Variants in LRRC66 observed in about 807,000 individuals in gnomAD.
LRRC66 encodes leucine rich repeat containing 66, also known as leucine-rich repeat-containing protein 66.
LRRC66 carries 29 observed loss-of-function variants against 24.6 expected under a neutral mutation model. The ratio of observed to expected loss-of-function variants is 1.18; its 90% CI spans 0.88 to 1.61. The LOEUF is 1.61. Among genes scored for constraint, LRRC66 ranks in the 40% most tolerant of loss-of-function variants. LRRC66 has a pLI of 0.00. For synonymous variants in LRRC66, 411 were observed against 397.6 expected, an observed-to-expected ratio of 1.03 and a Z score of -0.40; for missense variants, 1,124 against 1,058.0, an observed-to-expected ratio of 1.06 and a Z score of -0.87.
intron 2 of LRRC66, among the ~76,000 whole-genome samples, 191 bp downstream of exon 2, chr4:52,016,927 T>A (rs756370356): frequency 5.9e-5 from 9 of 152,214 alleles, no homozygotes; most frequent in Non-Finnish European, 1.3e-4. Flanking sequence ...AATGGGAGAC[T>A]AAATTTCATT....
chr4:52,014,131 A>G (rs1321834617), intron 2 of LRRC66, among the ~76,000 whole-genome samples: 1 of 152,206 alleles, frequency 6.6e-6, no homozygotes, highest in Non-Finnish European at 1.5e-5. Flanking sequence ...ACATGCCTGT[A>G]AACCCAGCTA....
intron 2 of LRRC66, among the ~76,000 whole-genome samples, chr4:52,016,016 A>G (rs1452518657): frequency 3.9e-5 from 6 of 152,174 alleles, no homozygotes. Flanking sequence ...TTCTATAAGT[A>G]ACAGGTATTC....
At chr4:52,016,795 T>C (rs769351850) in intron 2 of LRRC66, among the ~76,000 whole-genome samples, 31 of 152,300 alleles carry the variant, frequency 2.0e-4, no homozygotes, top group Admixed American at 8.5e-4. Context: ...GCTCAGTGCT[T>C]TTCTATATTA....
At chr4:52,001,880 T>C (rs546326086) in intron 3 of LRRC66, among the ~76,000 whole-genome samples, 1 of 152,358 alleles carries the variant, frequency 6.6e-6, no homozygotes, top group South Asian at 2.1e-4. Flanking sequence ...GTTTTCTTTG[T>C]TGACATTGCT....
At chr4:52,000,877 G>A (rs1216606121) in intron 3 of LRRC66, among the ~76,000 whole-genome samples, 2 of 152,210 alleles carry the variant, frequency 1.3e-5, no homozygotes, top group South Asian at 2.1e-4. Flanking sequence ...GCCATGCCTG[G>A]ATTTCCGTCT....
At chr4:52,002,063 C>A (rs1012651122) in intron 3 of LRRC66, among the ~76,000 whole-genome samples, 1 of 152,084 alleles carries the variant, frequency 6.6e-6, no homozygotes, top group Non-Finnish European at 1.5e-5. Context: ...AGCTATAGAG[C>A]AATTAAAACA....
rs374157360 is a variant in LRRC66 at position 51,995,567 on chromosome 4, C to G, written c.1455G>C (p.Ser485=). Residue 485 remains serine (S), a synonymous_variant, in exon 5 of 5, where the codon TCG becomes TCC. Transcript: ENST00000682860. ...LGRSRKDPGS[S]QSPGQCGDNT... ...TGTCCCCGCACTGTCCTGGGCTCTG[C>G]GAACTGCCAGGATCCTTTCTGCTCC... The G allele has an allele frequency of 4.3e-6, 7 of 1,614,016 alleles. No homozygotes were observed. The African/African-American group carries it at 8.0e-5, about 18-fold the overall frequency.
intron 3 of LRRC66, among the ~76,000 whole-genome samples, chr4:52,002,858 C>T (rs1736487778): frequency 6.6e-6 from 1 of 152,192 alleles, no homozygotes; most frequent in Non-Finnish European, 1.5e-5. Flanking sequence ...TTGCATAAGA[C>T]CCCTGGGACC....
At chr4:52,000,066 T>C (rs1408305558) in intron 3 of LRRC66, among the ~76,000 whole-genome samples, 1 of 152,214 alleles carries the variant, frequency 6.6e-6, no homozygotes, top group Non-Finnish European at 1.5e-5. Context: ...ATTGTGATAT[T>C]CAGCTTTTTT....
In LRRC66 at chr4:52,003,229, T is replaced by G; in HGVS notation, c.660A>C (p.Lys220Asn). 6.2e-7 allele frequency: 1 copy of G among 1,605,702 alleles called. No homozygotes were observed. Among genetic ancestry groups the G allele is most frequent in the African/African-American group, 1.3e-5 (1 of 74,454 alleles). Residue 220 changes from lysine to asparagine, a missense_variant, in exon 3 of 5, where the codon AAA (lysine) becomes AAC (asparagine). Lys to Asn is a moderately conservative substitution (Grantham distance 94, BLOSUM62 0). Coordinates refer to ENST00000682860, the MANE Select transcript of LRRC66 (RefSeq NM_001024611.3). The part of the protein sequence containing the change: ...IPPQAFKDLK[K>N]LQVIDLSNNA... The stretch of plus-strand genomic sequence containing the variant: ...ATAAAAATGATTTTAGAACCTGTAA[T>G]TTTTTGAGGTCCTTGAAGGCTTGTG...
intron 1 of LRRC66, among the ~76,000 whole-genome samples, chr4:52,018,995 G>A (rs1736883201): frequency 6.6e-6 from 1 of 152,156 alleles, no homozygotes; most frequent in African/African-American, 2.4e-5. Flanking sequence ...TCCTGCCTCA[G>A]CCTCCCGAGT....
intron 4 of LRRC66, 146 bp from the exon 5 acceptor site, chr4:51,996,311 A>T: frequency 1.4e-6 from 1 of 728,618 alleles, no homozygotes; most frequent in Non-Finnish European, 2.2e-6. Flanking sequence ...CAGTGGCACA[A>T]TCATAACTCA....
At chr4:52,018,535 C>T (rs764310599) in intron 1 of LRRC66, 1 of 985,308 alleles carries the variant, frequency 1.0e-6, no homozygotes, top group Non-Finnish European at 1.2e-6. Context: ...TCACTGCAGT[C>T]TGAAATACTA....
chr4:51,994,088 A>C lies in LRRC66; in HGVS notation c.*291T>G, dbSNP rs776176705. On this transcript the variant is annotated 3_prime_UTR_variant, in exon 5 of 5. Coordinates refer to ENST00000682860, the MANE Select transcript of LRRC66 (RefSeq NM_001024611.3). Reference sequence around the variant, plus strand: ...AACTGGTTTTGTTTGGAGCTCTTGTAATAATGGTGCATGGTTCTTGGAATG... The same window carrying C: ...AACTGGTTTTGTTTGGAGCTCTTGTCATAATGGTGCATGGTTCTTGGAATG... 1 of 296,638 alleles carries C rather than the reference A, an allele frequency of 3.4e-6. No homozygotes were observed. Among genetic ancestry groups the C allele is most frequent in the Non-Finnish European group, 6.2e-6 (1 of 160,888 alleles). 18.4% of individuals were successfully genotyped at this position (296,638 alleles called of 1,614,324 possible).
chr4:52,002,616 T>C (rs1388848569), intron 3 of LRRC66, among the ~76,000 whole-genome samples: 1 of 152,222 alleles, frequency 6.6e-6, no homozygotes, highest in Non-Finnish European at 1.5e-5. Context: ...ACAGGAACTA[T>C]TGGGCCAAAA....
Position 51,994,706 on chromosome 4 carries a change from G to A in LRRC66, c.2316C>T (p.Pro772=), listed in dbSNP as rs750194579. Reference sequence around the variant, plus strand: ...GAGCAGAAATGAGAGGTTTTTCAAAGGGATCTTCTTGATTCTTGCATTTCC... The same window carrying A: ...GAGCAGAAATGAGAGGTTTTTCAAAAGGATCTTCTTGATTCTTGCATTTCC... The part of the protein sequence containing the change: ...IPGKCKNQED[P]FEKPLISAPD... Residue 772 remains proline (P), a synonymous_variant, in exon 5 of 5, where the codon CCC becomes CCT. Coordinates refer to ENST00000682860, the MANE Select transcript of LRRC66 (RefSeq NM_001024611.3). 4 of 1,614,054 alleles carry A rather than the reference G, an allele frequency of 2.5e-6. No individual in the cohort carries two copies. Among genetic ancestry groups the A allele is most frequent in the East Asian group, 4.5e-5 (2 of 44,878 alleles).
intron 2 of LRRC66, among the ~76,000 whole-genome samples, chr4:52,004,618 C>T (rs1009522658): frequency 3.3e-5 from 5 of 152,324 alleles, no homozygotes; most frequent in African/African-American, 1.2e-4. Context: ...ACATTTCCTT[C>T]TGCACTGTTC....
chr4:52,007,986 T>C (rs1398716607), intron 2 of LRRC66, among the ~76,000 whole-genome samples: 1 of 152,192 alleles, frequency 6.6e-6, no homozygotes, highest in Admixed American at 6.5e-5. Context: ...AATTTTTTTT[T>C]TTTAATTTAT....
chr4:52,015,984 A>T (rs1736800736), intron 2 of LRRC66, among the ~76,000 whole-genome samples: 1 of 152,158 alleles, frequency 6.6e-6, no homozygotes, highest in African/African-American at 2.4e-5. Flanking sequence ...TTCCCTTTAA[A>T]TTTTTCTTCA....
Sources: gnomAD v4.1 joint callset for allele counts (sites outside exome capture counted in the v4.1 genomes callset) on GRCh38, gnomAD v4.1.1 for gene constraint, MANE v1.5 for transcripts, NCBI Gene and HGNC (gene_info 2026-07-23, HGNC 2026-07-21) for gene names.